PASK: variants seen among roughly 807,000 people sequenced by gnomAD.
The protein encoded by PASK is PAS domain-containing serine/threonine-protein kinase.
Under a neutral mutation model 121.0 loss-of-function variants are expected in PASK, and 110 were observed. That is an observed-to-expected ratio of 0.91 (90% CI 0.78 to 1.06). PASK has a LOEUF of 1.06. Among genes scored for constraint, PASK ranks in the 50% least tolerant of loss-of-function variants. The pLI, the probability that PASK is intolerant of heterozygous loss-of-function variation, is 0.00. For missense variants in PASK, 1,643 were observed against 1,702.3 expected (o/e 0.97, Z 0.61); for synonymous variants, 686 against 717.8 (o/e 0.96, Z 0.71).
chr2:241,114,421 G>A (rs555859871), intron 14 of PASK: 2 of 987,084 alleles, frequency 2.0e-6, no homozygotes, highest in East Asian at 2.3e-4. Context: ...GGGGAGCTGG[G>A]AGCAGTACAG....
chr2:241,142,325 G>C (rs995829040), intron 2 of PASK, among the ~76,000 whole-genome samples: 6 of 152,192 alleles, frequency 3.9e-5, no homozygotes, highest in African/African-American at 1.4e-4. Flanking sequence ...GACAGCCCCT[G>C]AAAGGCAAGT....
chr2:241,136,878 T>G, intron 7 of PASK, 126 bp downstream of exon 7: 1 of 872,438 alleles, frequency 1.1e-6, no homozygotes, highest in Non-Finnish European at 1.9e-6. Context: ...CCAAGGTCCT[T>G]CCTGGGTAAA....
At chr2:241,120,389 A>G (rs1237561790) in intron 12 of PASK, among the ~76,000 whole-genome samples, 1 of 152,240 alleles carries the variant, frequency 6.6e-6, no homozygotes. Context: ...GCTACTCAGG[A>G]GGCTAAGGCA....
At chr2:241,123,432 C>A (rs1188357019) in intron 11 of PASK, among the ~76,000 whole-genome samples, 3 of 152,052 alleles carry the variant, frequency 2.0e-5, no homozygotes, top group Admixed American at 2.0e-4. Context: ...CCCGCCTTGG[C>A]CTCCCAAAGT....
rs746434300 is a variant in PASK, at chr2:241,114,957, C to T, written c.3333+86G>A. On this transcript the variant is annotated intron_variant, in intron 14 of 17. Coordinates refer to ENST00000234040, the MANE Select transcript of PASK (RefSeq NM_015148.4). ...GCTAGATCCAGCTCAGAGAGAGAACCGAGTATGGATCACTGATCTTTGCAG... is the reference window on the plus strand; with the variant it reads ...GCTAGATCCAGCTCAGAGAGAGAACTGAGTATGGATCACTGATCTTTGCAG... 2.5e-5 allele frequency: 40 copies of T among 1,608,580 alleles called. No homozygotes were observed. The Admixed American group carries it at 2.5e-4, about 10-fold the overall frequency.
intron 1 of PASK, among the ~76,000 whole-genome samples, chr2:241,146,162 C>T (rs1218830609): frequency 6.6e-6 from 1 of 152,138 alleles, no homozygotes; most frequent in Non-Finnish European, 1.5e-5. Context: ...AAGCGTTTTA[C>T]AGGAGAGGAA....
At chr2:241,138,891 G>C in intron 4 of PASK, 97 bp from the exon 5 acceptor site, 1 of 1,181,510 alleles carries the variant, frequency 8.5e-7, no homozygotes, top group Non-Finnish European at 1.3e-6. Flanking sequence ...TCCAGGCACT[G>C]CAACGTTTTC....
chr2:241,111,320 A>C (rs1171074695), intron 15 of PASK, among the ~76,000 whole-genome samples: 1 of 152,196 alleles, frequency 6.6e-6, no homozygotes, highest in Non-Finnish European at 1.5e-5. Flanking sequence ...GCGGTGCAGC[A>C]GAGCACTGCA....
chr2:241,141,400 T>C (rs2066692339), intron 2 of PASK, among the ~76,000 whole-genome samples: 1 of 152,180 alleles, frequency 6.6e-6, no homozygotes, highest in Non-Finnish European at 1.5e-5. Flanking sequence ...ACCTCCTCCT[T>C]GGAAGCGTTC....
intron 12 of PASK, among the ~76,000 whole-genome samples, chr2:241,115,917 CACCA>C (rs2065331810): frequency 1.1e-5 from 1 of 92,128 alleles, no homozygotes; most frequent in Non-Finnish European, 1.8e-5. Flanking sequence ...CATCCCGTTA[CACCA>C]GGGGCCACCA....
intron 1 of PASK, among the ~76,000 whole-genome samples, chr2:241,144,976 C>T (rs922906205): frequency 8.5e-5 from 13 of 152,092 alleles, no homozygotes; most frequent in African/African-American, 2.9e-4. Context: ...TGCAGTGGCG[C>T]GACTTCGGCT....
upstream of PASK, chr2:241,149,542 C>A (rs549111808): frequency 3.0e-6 from 3 of 993,484 alleles, no homozygotes; most frequent in East Asian, 2.6e-5. Context: ...CAGCCACTTG[C>A]GCGTATGGGC....
At position 241,127,507 on chromosome 2, in the gene PASK, G is replaced by A. The variant is rs529068812; in HGVS notation, c.1464-56C>T. ...TAGGGCCACAGATGAGTCAAAAGGA[G>A]AGATTGCACCGATTCTCCATTAGAA... On this transcript the variant is annotated intron_variant, in intron 9 of 17. Coordinates refer to ENST00000234040, the MANE Select transcript of PASK (RefSeq NM_015148.4). The A allele has an allele frequency of 3.3e-5, 44 of 1,349,116 alleles. No individual in the cohort carries two copies. In the African/African-American group the frequency reaches 3.6e-4, roughly 11 times the overall value. 83.6% of individuals were successfully genotyped at this position (1,349,116 alleles called of 1,614,324 possible). A position where few individuals can be genotyped will look rare whatever the true frequency, so the allele number is the denominator to read the frequency against.
intron 16 of PASK, among the ~76,000 whole-genome samples, 188 bp downstream of exon 16, chr2:241,107,979 G>A (rs2064956628): frequency 6.6e-6 from 1 of 152,052 alleles, no homozygotes; most frequent in African/African-American, 2.4e-5. Context: ...ATCCAAAGAG[G>A]AACATTAACA....
upstream of PASK, chr2:241,150,245 G>A: frequency 7.8e-7 from 1 of 1,289,066 alleles, no homozygotes; most frequent in South Asian, 2.6e-5. Flanking sequence ...GACTCCCTCT[G>A]CTTTCCTTCC....
intron 12 of PASK, among the ~76,000 whole-genome samples, chr2:241,121,762 A>C (rs2065623677): frequency 6.6e-6 from 1 of 152,270 alleles, no homozygotes; most frequent in Non-Finnish European, 1.5e-5. Flanking sequence ...ATATCAAATT[A>C]GGAATTAGTT....
intron 12 of PASK, among the ~76,000 whole-genome samples, chr2:241,117,263 G>A (rs1167104628): frequency 1.3e-5 from 2 of 152,214 alleles, no homozygotes; most frequent in East Asian, 3.8e-4. Flanking sequence ...CCCTTTGACG[G>A]GAGGGTCACT....
intron 12 of PASK, among the ~76,000 whole-genome samples, chr2:241,120,408 G>A (rs184428231): frequency 1.1e-4 from 17 of 152,074 alleles, no homozygotes; most frequent in Admixed American, 5.9e-4. Context: ...CAGGAGAATC[G>A]CTTGAACCTG....
intron 11 of PASK, 97 bp from the exon 12 acceptor site, chr2:241,122,996 G>A (rs576050113): frequency 1.2e-4 from 146 of 1,210,890 alleles, no homozygotes; most frequent in African/African-American, 3.0e-4. Context: ...GCAGCCGCCC[G>A]AGGCAGGTGT....
Sources: allele counts gnomAD v4.1 joint callset (sites outside exome capture counted in the v4.1 genomes callset), GRCh38; gene constraint gnomAD v4.1.1; transcripts MANE v1.5; gene names NCBI Gene and HGNC (gene_info 2026-07-23, HGNC 2026-07-21).